The following ANO2 variants were observed in gnomAD, a reference collection of about 807,000 sequenced individuals.
ANO2 encodes the protein anoctamin 2.
ANO2 carries 101 observed loss-of-function variants against 124.2 expected under a neutral mutation model. That is an observed-to-expected ratio of 0.81 (90% confidence interval 0.69 to 0.96). ANO2 has a LOEUF of 0.96. ANO2 is among the 40% of genes least tolerant of loss of function. ANO2 has a pLI of 0.00. For missense variants in ANO2, 1,293 were observed against 1,274.5 expected, an observed-to-expected ratio of 1.01 and a Z score of -0.22; for synonymous variants, 486 against 482.5, an observed-to-expected ratio of 1.01 and a Z score of -0.09.
At chr12:5,829,001 GAGGAA>G (rs1362387665) in intron 6 of ANO2, among the ~76,000 whole-genome samples, 1 of 152,224 alleles carries the variant, frequency 6.6e-6, no homozygotes, top group Non-Finnish European at 1.5e-5. Flanking sequence ...GGGGTGGACT[GAGGAA>G]AGGAAGATGC....
intron 13 of ANO2, chr12:5,739,027 T>A (rs1950985890): frequency 1.8e-6 from 1 of 553,422 alleles, no homozygotes. Flanking sequence ...TGCCTCTTGT[T>A]CTTGCATCTT....
At chr12:5,815,612 C>A (rs1354089568) in intron 7 of ANO2, among the ~76,000 whole-genome samples, 2 of 152,158 alleles carry the variant, frequency 1.3e-5, no homozygotes, top group Non-Finnish European at 2.9e-5. Flanking sequence ...GAGCTACACC[C>A]CTGACCATAT....
At chr12:5,818,349 A>T (rs1423756932) in intron 7 of ANO2, among the ~76,000 whole-genome samples, 4 of 149,822 alleles carry the variant, frequency 2.7e-5, no homozygotes, top group Non-Finnish European at 5.9e-5. Context: ...CAAACATCGG[A>T]CTCCAAGTTC....
chr12:5,915,624 G>C (rs1941335080), intron 3 of ANO2, among the ~76,000 whole-genome samples: 1 of 152,324 alleles, frequency 6.6e-6, no homozygotes, highest in South Asian at 2.1e-4. Flanking sequence ...GGACAGCTGA[G>C]CAGGTGGGGC....
At position 5,922,775 on chromosome 12, in the gene ANO2, G is replaced by C. The variant is rs201785753; in HGVS notation, c.52C>G (p.Arg18Gly). ...DIPLLPGSPR[R>G]LSPQAGSRGG... The stretch of plus-strand genomic sequence containing the variant: ...CTGGACCCTGCCTGAGGGCTCAGCC[G>C]GCGTGGGGAGCCAGGGAGCAGGGGT... The change falls in exon 2 of 25, where the codon CGG becomes GGG. Residue 18 changes from arginine (R) to glycine (G), a missense_variant. Coordinates refer to ENST00000682330, the MANE Select transcript of ANO2 (RefSeq NM_001364791.2). The C allele has an allele frequency of 6.5e-7, 1 of 1,543,154 alleles. No individual in the cohort carries two copies.
chr12:5,812,786 AAAAG>A (rs200421712), intron 7 of ANO2, among the ~76,000 whole-genome samples: 1,819 of 135,152 alleles, frequency 0.013, 60 homozygotes, highest in African/African-American at 0.046. Flanking sequence ...GAAAGAAAGA[AAAAG>A]AAAGAAAGAA....
chr12:5,616,424 C>T lies in ANO2; in HGVS notation c.1817-1127G>A, dbSNP rs1239717117. On this transcript the variant is annotated intron_variant, in intron 16 of 24. Transcript: ENST00000682330. ...TCATGGCCTCATCACCTCCCATACACCACACCTCCTAATACCATCACCTTG... is the reference window on the plus strand; with the variant it reads ...TCATGGCCTCATCACCTCCCATACATCACACCTCCTAATACCATCACCTTG... 2.0e-5 allele frequency among the ~76,000 whole-genome samples: 3 copies of T among 152,320 alleles called. No homozygotes were observed. The East Asian group carries it at 5.8e-4, about 29-fold the overall frequency.
chr12:5,804,675 C>A (rs1953137410), intron 9 of ANO2, among the ~76,000 whole-genome samples: 1 of 152,174 alleles, frequency 6.6e-6, no homozygotes, highest in African/African-American at 2.4e-5. Flanking sequence ...TGTTAAAAGG[C>A]ATTGCTGTGG....
At chr12:5,935,667 G>A (rs1455121912) in intron 1 of ANO2, among the ~76,000 whole-genome samples, 1 of 152,196 alleles carries the variant, frequency 6.6e-6, no homozygotes, top group East Asian at 1.9e-4. Flanking sequence ...GTGTGGAGAA[G>A]GAGCCTGTCA....
chr12:5,880,151 G>A (rs1938383955), intron 3 of ANO2, among the ~76,000 whole-genome samples: 1 of 152,164 alleles, frequency 6.6e-6, no homozygotes, highest in Non-Finnish European at 1.5e-5. Context: ...AGGGAGAATG[G>A]TTAAGACAAC....
chr12:5,705,331 A>G (rs1353413787), intron 14 of ANO2, among the ~76,000 whole-genome samples: 2 of 152,234 alleles, frequency 1.3e-5, no homozygotes, highest in African/African-American at 4.8e-5. Flanking sequence ...AAAGGAGAGA[A>G]AGAAAAGGGG....
chr12:5,921,513 G>C, intron 2 of ANO2, 147 bp from the exon 3 acceptor site: 1 of 769,348 alleles, frequency 1.3e-6, no homozygotes, highest in Non-Finnish European at 2.1e-6. Flanking sequence ...CCAGTAAAAG[G>C]ACCGAATGGC....
chr12:5,756,977 G>A (rs1031913084), intron 10 of ANO2, among the ~76,000 whole-genome samples: 1 of 152,232 alleles, frequency 6.6e-6, no homozygotes, highest in African/African-American at 2.4e-5. Flanking sequence ...GCAGTGAACA[G>A]GCAGTGCTGT....
At chr12:5,767,675 T>A (rs1951938006) in intron 10 of ANO2, among the ~76,000 whole-genome samples, 1 of 152,122 alleles carries the variant, frequency 6.6e-6, no homozygotes, top group African/African-American at 2.4e-5. Context: ...AAAAACAAAC[T>A]CTTTGGGATA....
intron 14 of ANO2, among the ~76,000 whole-genome samples, chr12:5,686,249 T>C (rs1231945173): frequency 6.6e-6 from 1 of 152,182 alleles, no homozygotes; most frequent in Non-Finnish European, 1.5e-5. Context: ...CTGTCAACCC[T>C]GCAGGACCAC....
chr12:5,685,464 C>T (rs1948664321), intron 14 of ANO2, among the ~76,000 whole-genome samples: 1 of 152,150 alleles, frequency 6.6e-6, no homozygotes, highest in Admixed American at 6.5e-5. Flanking sequence ...CACCTCTGCC[C>T]AACTGGAACA....
At chr12:5,584,000 C>A in intron 20 of ANO2, 1 of 241,408 alleles carries the variant, frequency 4.1e-6, no homozygotes, top group Non-Finnish European at 9.2e-6. Context: ...ATCTCACCTT[C>A]CTTCGAATTT....
chr12:5,760,449 A>G (rs1951704590), intron 10 of ANO2, among the ~76,000 whole-genome samples: 1 of 152,230 alleles, frequency 6.6e-6, no homozygotes. Flanking sequence ...TTCAACTTTT[A>G]TATTTTAAAA....
intron 4 of ANO2, among the ~76,000 whole-genome samples, chr12:5,853,343 A>G (rs1038508261): frequency 9.7e-6 from 1 of 103,222 alleles, no homozygotes; most frequent in Admixed American, 8.9e-5. Flanking sequence ...ATCCTGGATT[A>G]AAAAAAAAAA....
Sources: allele counts gnomAD v4.1 joint callset (sites outside exome capture counted in the v4.1 genomes callset), GRCh38; gene constraint gnomAD v4.1.1; transcripts MANE v1.5; gene names NCBI Gene and HGNC (gene_info 2026-07-23, HGNC 2026-07-21).